Variants in MCM4 observed in about 807,000 individuals in gnomAD.
The protein encoded by MCM4 is minichromosome maintenance complex component 4, also known as DNA replication licensing factor MCM4.
Under a neutral mutation model 88.7 loss-of-function variants are expected in MCM4, and 60 were observed. The observed-to-expected ratio is 0.68, with a 90% confidence interval of 0.55 to 0.84. The LOEUF (loss-of-function observed/expected upper bound fraction) is 0.84. Ranked by LOEUF, MCM4 falls within the 40% of genes least tolerant of loss-of-function variation. The pLI is 0.00. For synonymous variants in MCM4, 465 were observed against 410.5 expected (o/e 1.13, Z -1.61); for missense variants, 1,149 against 1,105.5 (o/e 1.04, Z -0.56).
Position 47,962,848 on chromosome 8 carries a change from C to A in MCM4, c.586C>A (p.Arg196=). 1 of 1,602,408 alleles carries A rather than the reference C, an allele frequency of 6.2e-7. No homozygotes were observed. Among genetic ancestry groups the A allele is most frequent in the Non-Finnish European group, 8.5e-7 (1 of 1,175,836 alleles). ...TATTACTGAACCTCTATACATGCAA[C>A]GACTTGGGGAGGTAATCAAATACTC... ...IDITEPLYMQ[R]LGEINVIGEP... is the part of the protein sequence containing the mutation. Residue 196 remains arginine, a synonymous_variant, in exon 6 of 17, where the codon CGA becomes AGA. Coordinates refer to ENST00000649973, the MANE Select transcript of MCM4 (RefSeq NM_182746.3).
Position 47,976,788 on chromosome 8 carries a change from AG to A in MCM4, c.*11del, listed in dbSNP as rs770875230. 5.1e-6 allele frequency: 8 copies of A among 1,578,186 alleles called. No homozygotes were observed. In the South Asian group the frequency reaches 8.9e-5, roughly 17 times the overall value. Reference sequence around the variant, plus strand: ...CGTGCGCTTGCTCTGAAGCCTTGTGAGCAAGGAAGGCTCCCTGCATGTCCTG... The same window carrying A: ...CGTGCGCTTGCTCTGAAGCCTTGTGACAAGGAAGGCTCCCTGCATGTCCTG... On this transcript the variant is annotated 3_prime_UTR_variant, in exon 17 of 17. Transcript: ENST00000649973.
intron 10 of MCM4, 68 bp from the exon 11 acceptor site, chr8:47,969,730 G>A (rs1003835528): frequency 1.7e-5 from 26 of 1,555,756 alleles, no homozygotes; most frequent in East Asian, 9.0e-5. Context: ...TGTTGCCTAC[G>A]CTGGTTGCTG....
At chr8:47,965,984 C>T (rs2090894636) in intron 8 of MCM4, among the ~76,000 whole-genome samples, 1 of 152,136 alleles carries the variant, frequency 6.6e-6, no homozygotes, top group Non-Finnish European at 1.5e-5. Flanking sequence ...CGAGGGATGC[C>T]TGCTGGACAG....
Position 47,964,363 on chromosome 8 carries a change from G to A in MCM4, c.694-211G>A, listed in dbSNP as rs113473804. On this transcript the variant is annotated intron_variant, in intron 7 of 16. Transcript: ENST00000649973. ...CAGTATACATCAAGAAGGCACTTTC[G>A]TATAAATTATGAAATTTAACCCAAT... Among the ~76,000 whole-genome samples the A allele has an allele frequency of 3.6e-3, 549 of 152,234 alleles. 2 individuals are homozygous for A. Among genetic ancestry groups the A allele is most frequent in the African/African-American group, 0.012 (495 of 41,524 alleles).
In MCM4 at chr8:47,967,386, G is replaced by A. The variant is rs1168723081; in HGVS notation, c.1075G>A (p.Glu359Lys). The A allele has an allele frequency of 6.8e-6, 11 of 1,614,192 alleles. No individual in the cohort carries two copies. In the South Asian group the frequency reaches 1.2e-4, roughly 18 times the overall value. Residue 359 changes from glutamate (E) to lysine (K), a missense_variant, in exon 10 of 17, where the codon GAA becomes AAA. Glu to Lys is a moderately conservative substitution (Grantham distance 56). Transcript: ENST00000649973. ...TCAGATCAAGCTTCAGGAGTCTCCG[G>A]AAGACATGCCTGCAGGGCAGACACC... ...KQMIKLQESP[E>K]DMPAGQTPHT...
rs549310735 is a variant in MCM4 at position 47,961,011 on chromosome 8, C to T, written c.-18C>T. The T allele has an allele frequency of 2.0e-6, 2 of 997,144 alleles. No homozygotes were observed. Among genetic ancestry groups the T allele is most frequent in the South Asian group, 1.9e-5 (1 of 53,370 alleles). The allele number at this position is 997,144 out of a possible 1,614,324, so 61.8% of individuals were successfully genotyped here. A position where few individuals can be genotyped will look rare whatever the true frequency, so the allele number is the denominator to read the frequency against. ...CGTCGTCGGCAAGCGGCCGCCTTTC[C>T]ACGGTAACCGCGCGCCGGCGGGGAG... On this transcript the variant is annotated 5_prime_UTR_variant, in exon 1 of 17. Coordinates refer to ENST00000649973, the MANE Select transcript of MCM4 (RefSeq NM_182746.3).
At position 47,961,508 on chromosome 8, in the gene MCM4, G is replaced by C. The variant is rs369552821; in HGVS notation, c.71-8G>C. 9 of 1,613,820 alleles carry C rather than the reference G, an allele frequency of 5.6e-6. No individual in the cohort carries two copies. Among genetic ancestry groups the C allele is most frequent in the Non-Finnish European group, 7.6e-6 (9 of 1,180,040 alleles). The stretch of plus-strand genomic sequence containing the variant: ...AATGGCTGTCTTTTCTGTTTTGTGT[G>C]ACACAAGCTCGGAGTGAGGATGCCA... On this transcript the variant is annotated splice_polypyrimidine_tract_variant and splice_region_variant and intron_variant, in intron 2 of 16. Transcript: ENST00000649973.
intron 3 of MCM4, 26 bp downstream of exon 3, chr8:47,961,706 G>C (rs2090839042): frequency 6.3e-7 from 1 of 1,587,722 alleles, no homozygotes; most frequent in African/African-American, 1.3e-5. Flanking sequence ...TCTTGGTTTT[G>C]CTGTGCTTGA....
At chr8:47,969,416 G>A (rs530770711) in intron 10 of MCM4, 3 of 187,494 alleles carry the variant, frequency 1.6e-5, no homozygotes, top group East Asian at 1.3e-4. Flanking sequence ...GTGCCACCAC[G>A]CCCGGCTAAT....
chr8:47,964,678 G>A lies in MCM4; in HGVS notation c.798G>A (p.Leu266=), dbSNP rs2090882442. The A allele has an allele frequency of 2.5e-6, 4 of 1,591,572 alleles. No homozygotes were observed. The East Asian group carries it at 9.1e-5, about 36-fold the overall frequency. ...TTCAAGTAAGACCATTCAACGCATTGAAGACTAAGAATATGAGAAACCTGA... is the reference window on the plus strand; with the variant it reads ...TTCAAGTAAGACCATTCAACGCATTAAAGACTAAGAATATGAGAAACCTGA... The part of the protein sequence containing the change: ...HQIQVRPFNA[L]KTKNMRNLNP... Residue 266 remains leucine (L), a synonymous_variant, in exon 8 of 17, where the codon TTG becomes TTA. Transcript: ENST00000649973.
chr8:47,962,857 G>T lies in MCM4; in HGVS notation c.595G>T (p.Glu199Ter). 1 of 1,599,956 alleles carries T rather than the reference G, an allele frequency of 6.3e-7. No homozygotes were observed. Among genetic ancestry groups the T allele is most frequent in the Non-Finnish European group, 8.5e-7 (1 of 1,174,270 alleles). Reference protein sequence around the residue: ...TEPLYMQRLGEINVIGEPFLN... With the variant: ...TEPLYMQRLG Reference sequence around the variant, plus strand: ...ACCTCTATACATGCAACGACTTGGGGAGGTAATCAAATACTCTTTAAATTC... The same window carrying T: ...ACCTCTATACATGCAACGACTTGGGTAGGTAATCAAATACTCTTTAAATTC... Residue 199 changes from glutamate to a stop codon, truncating the protein, a stop_gained and splice_region_variant, in exon 6 of 17, where the codon GAG becomes TAG. Transcript: ENST00000649973. LOFTEE classifies it high-confidence loss of function.
intron 12 of MCM4, 34 bp downstream of exon 12, chr8:47,970,910 G>T: frequency 6.5e-7 from 1 of 1,548,906 alleles, no homozygotes; most frequent in Non-Finnish European, 8.7e-7. Context: ...ACATGGACGT[G>T]TTTAAAATAT....
Position 47,962,294 on chromosome 8 carries a change from T to C in MCM4, c.400-11T>C, listed in dbSNP as rs1248106242. 19 of 1,614,088 alleles carry C rather than the reference T, an allele frequency of 1.2e-5. No individual in the cohort carries two copies. Among genetic ancestry groups the C allele is most frequent in the Non-Finnish European group, 1.5e-5 (18 of 1,180,036 alleles). On this transcript the variant is annotated splice_polypyrimidine_tract_variant and intron_variant, in intron 4 of 16. Transcript: ENST00000649973. ...TCTGTTTTCATGATTCTGTCATGTT[T>C]TTCTGTGTAGGCAGCAGCAGAAGAT...
chr8:47,971,270 C>T lies in MCM4; in HGVS notation c.1801-71C>T, dbSNP rs541647308. ...AGGGAATATGGGTTTAGTAGGTGGC[C>T]GGGCGAAGACGGTGCTTGTTAATTG... On this transcript the variant is annotated intron_variant, in intron 12 of 16. Coordinates refer to ENST00000649973, the MANE Select transcript of MCM4 (RefSeq NM_182746.3). The T allele has an allele frequency of 3.9e-5, 61 of 1,582,786 alleles. 1 individual carries two copies. Among genetic ancestry groups the T allele is most frequent in the Non-Finnish European group, 4.8e-5 (55 of 1,157,170 alleles).
intron 14 of MCM4, chr8:47,973,815 A>C (rs1314557922): frequency 6.6e-6 from 1 of 152,262 alleles, no homozygotes; most frequent in Non-Finnish European, 1.5e-5. Context: ...ACTGTTTATT[A>C]CTTCCTCCCA....
rs781153302 is a variant in MCM4, at chr8:47,962,765, G to T, written c.503G>T (p.Arg168Ile). ...NVAACKENFQRFLQRFIDPLA... is the reference protein window; with the variant it reads ...NVAACKENFQIFLQRFIDPLA... The stretch of plus-strand genomic sequence containing the variant: ...ATACAGTTTTCTCTCCACTTAAAGA[G>T]ATTTCTTCAGCGTTTTATTGACCCT... Residue 168 changes from arginine to isoleucine, a missense_variant and splice_region_variant, in exon 6 of 17, where the codon AGA (arginine) becomes ATA (isoleucine). Physicochemically the swap from Arg to Ile is moderately conservative, Grantham distance 97. Around this residue, in one of 3 missense-constraint regions of MCM4, gnomAD observed 906 missense variants for 843.0 expected, o/e 1.07. Coordinates refer to ENST00000649973, the MANE Select transcript of MCM4 (RefSeq NM_182746.3). 6 of 1,592,968 alleles carry T rather than the reference G, an allele frequency of 3.8e-6. No homozygotes were observed. Among genetic ancestry groups the T allele is most frequent in the East Asian group, 2.2e-5 (1 of 44,752 alleles).
intron 13 of MCM4, among the ~76,000 whole-genome samples, chr8:47,971,907 A>G (rs749793285): frequency 1.1e-4 from 16 of 151,892 alleles, no homozygotes; most frequent in Non-Finnish European, 1.9e-4. Context: ...TTTTTTCCCA[A>G]AAAAACAGTT....
At chr8:47,974,985 A>G (rs1450831284) in intron 15 of MCM4, 23 bp downstream of exon 15, 4 of 1,571,236 alleles carry the variant, frequency 2.5e-6, no homozygotes. Context: ...CAGTGAACAG[A>G]AAAGCTTTTG....
intron 11 of MCM4, 23 bp downstream of exon 11, chr8:47,970,080 G>A: frequency 6.2e-7 from 1 of 1,608,148 alleles, no homozygotes; most frequent in Non-Finnish European, 8.5e-7. Context: ...TTTAAACTAG[G>A]GGTTGGGATT....
Sources: gnomAD v4.1 joint callset for allele counts (sites outside exome capture counted in the v4.1 genomes callset) on GRCh38, gnomAD v4.1.1 for gene constraint, gnomAD v4.1.1 regional missense constraint, MANE v1.5 for transcripts, NCBI Gene and HGNC (gene_info 2026-07-23, HGNC 2026-07-21) for gene names.